Variants in HIVEP3 observed in about 807,000 individuals in gnomAD.
HIVEP3 encodes HIVEP zinc finger 3.
A neutral mutation model predicts 152.8 loss-of-function variants in HIVEP3; 49 were observed. The ratio of observed to expected loss-of-function variants is 0.32; its 90% CI spans 0.26 to 0.41. The LOEUF is 0.41. Ranked by LOEUF, HIVEP3 falls within the 10% of genes least tolerant of loss-of-function variation. The pLI is 1.00. For synonymous variants in HIVEP3, 1,269 were observed against 1,289.0 expected (o/e 0.98, Z 0.33); for missense variants, 2,790 against 3,103.3 (o/e 0.90, Z 2.40).
In HIVEP3 at chr1:41,916,848, A is replaced by G. The variant is rs576201664; in HGVS notation, c.-801+1565T>C. On this transcript the variant is annotated intron_variant, in intron 1 of 8. Transcript: ENST00000372583. ...GCTTCAGGATTCATTTTCTGCCTGG[A>G]ATTGGGAAACTGGAGGCCCTGCAGG... 9.9e-5 allele frequency among the ~76,000 whole-genome samples: 15 copies of G among 152,190 alleles called. No individual in the cohort carries two copies. The South Asian group carries it at 3.1e-3, about 32-fold the overall frequency.
At position 41,584,440 on chromosome 1, in the gene HIVEP3, G is replaced by A. The variant is rs1200494625; in HGVS notation, c.358C>T (p.Gln120Ter). The change falls in exon 4 of 9, where the codon CAA (glutamine) becomes TAA (stop). Residue 120 changes from glutamine (Q) to a stop codon, truncating the protein, a stop_gained. Coordinates refer to ENST00000372583, the MANE Select transcript of HIVEP3 (RefSeq NM_024503.5). LOFTEE classifies it high-confidence loss of function. The surrounding 1 kb of genome is among the most constrained non-coding windows in gnomAD (Gnocchi z 5.2). ...PEHLLEGSTWQLVDPMRPGPS... is the reference protein window; with the variant it reads ...PEHLLEGSTW ...CCAGGTCTCATGGGGTCAACCAGTTGCCATGTGGACCCCTCCAGGAGATGC... is the reference window on the plus strand; with the variant it reads ...CCAGGTCTCATGGGGTCAACCAGTTACCATGTGGACCCCTCCAGGAGATGC... 1.2e-6 allele frequency: 2 copies of A among 1,614,162 alleles called. No homozygotes were observed. The highest frequency in any genetic ancestry group is 1.7e-6 in the Non-Finnish European group (2 of 1,180,016).
intron 2 of HIVEP3, among the ~76,000 whole-genome samples, chr1:41,638,383 G>C (rs1317788858): frequency 3.2e-5 from 2 of 63,042 alleles, no homozygotes; most frequent in Non-Finnish European, 6.9e-5. Flanking sequence ...GGGAGAGAGA[G>C]AGAAAGAAAG....
chr1:41,866,189 G>A lies in HIVEP3; in HGVS notation c.-801+52224C>T, dbSNP rs116599309. Among the ~76,000 whole-genome samples the A allele has an allele frequency of 5.7e-3, 866 of 152,358 alleles. 1 individual carries two copies. The highest frequency in any genetic ancestry group is 9.4e-3 in the Non-Finnish European group (641 of 68,030). On this transcript the variant is annotated intron_variant, in intron 1 of 8. Coordinates refer to ENST00000372583, the MANE Select transcript of HIVEP3 (RefSeq NM_024503.5). ...TGGGGGGTGCAGCTGCCTTGGGACT[G>A]AGAGATGGGGATGGACACATCTGCA...
intron 1 of HIVEP3, among the ~76,000 whole-genome samples, chr1:41,945,284 T>C (rs1048672638): frequency 1.3e-5 from 2 of 152,092 alleles, no homozygotes; most frequent in South Asian, 2.1e-4. Context: ...AGAGTGCCAA[T>C]AGTCTCCAAT....
chr1:41,614,802 T>TTAGC (rs1471013795), intron 3 of HIVEP3, among the ~76,000 whole-genome samples: 1 of 152,200 alleles, frequency 6.6e-6, no homozygotes, highest in Non-Finnish European at 1.5e-5. Flanking sequence ...GGCAACACAG[T>TTAGC]TAGCTGCACA....
intron 1 of HIVEP3, among the ~76,000 whole-genome samples, chr1:41,835,762 G>A (rs1394533934): frequency 6.6e-6 from 1 of 152,198 alleles, no homozygotes; most frequent in East Asian, 1.9e-4. Flanking sequence ...AGGGCCCAGG[G>A]AAAGTGCATT....
upstream of HIVEP3, among the ~76,000 whole-genome samples, chr1:41,923,063 C>A (rs961966097): frequency 2.6e-5 from 4 of 152,120 alleles, no homozygotes; most frequent in Admixed American, 2.0e-4. Flanking sequence ...GAAATATATA[C>A]TTTAATGCTA....
At chr1:41,532,342 G>T (rs189870619) in intron 5 of HIVEP3, among the ~76,000 whole-genome samples, 1 of 152,056 alleles carries the variant, frequency 6.6e-6, no homozygotes, top group Non-Finnish European at 1.5e-5. Context: ...GGAGAGAAGG[G>T]AGGACTTGGG....
At chr1:41,542,213 GT>G (rs1177571522) in intron 5 of HIVEP3, 4 of 152,262 alleles carry the variant, frequency 2.6e-5, no homozygotes, top group Non-Finnish European at 5.9e-5. Context: ...TGGCTCAACT[GT>G]CTAGCCCTGG....
chr1:41,553,808 A>T (rs1643925330), intron 5 of HIVEP3, among the ~76,000 whole-genome samples: 1 of 152,244 alleles, frequency 6.6e-6, no homozygotes, highest in Non-Finnish European at 1.5e-5. Context: ...TTCTTTAAGA[A>T]TGTTGAATAT....
chr1:41,993,778 A>G (rs1437166115), intron 1 of HIVEP3, among the ~76,000 whole-genome samples: 1 of 151,698 alleles, frequency 6.6e-6, no homozygotes, highest in Non-Finnish European at 1.5e-5. Context: ...AGACTGGATT[A>G]AGAAAATGTG....
At chr1:41,637,523 A>G (rs1645294119) in intron 2 of HIVEP3, among the ~76,000 whole-genome samples, 1 of 152,160 alleles carries the variant, frequency 6.6e-6, no homozygotes, top group Admixed American at 6.5e-5. Context: ...TACAGAGGCT[A>G]AGGCCTGACC....
chr1:41,916,042 C>T (rs1268781035), intron 1 of HIVEP3, among the ~76,000 whole-genome samples: 1 of 152,192 alleles, frequency 6.6e-6, no homozygotes, highest in African/African-American at 2.4e-5. Context: ...AAGTTAAATG[C>T]TATCCAGTTG....
chr1:41,788,379 T>C (rs1570540987), intron 1 of HIVEP3, among the ~76,000 whole-genome samples: 1 of 152,288 alleles, frequency 6.6e-6, no homozygotes, highest in East Asian at 1.9e-4. Context: ...CAGATGAGCA[T>C]AGGCTCAGAG....
At chr1:42,026,094 G>A (rs1001913841) in intron 1 of HIVEP3, among the ~76,000 whole-genome samples, 21 of 151,790 alleles carry the variant, frequency 1.4e-4, no homozygotes, top group Non-Finnish European at 1.9e-4. Flanking sequence ...AAAAATCTGC[G>A]AAAAGGCTTG....
intron 1 of HIVEP3, among the ~76,000 whole-genome samples, chr1:42,000,443 G>A (rs769840161): frequency 1.6e-4 from 24 of 152,186 alleles, no homozygotes; most frequent in Admixed American, 1.4e-3. Flanking sequence ...GCAGGAGGAG[G>A]CACAAGTCAC....
intron 1 of HIVEP3, among the ~76,000 whole-genome samples, chr1:41,778,810 A>C (rs1033314587): frequency 6.6e-6 from 1 of 152,212 alleles, no homozygotes; most frequent in African/African-American, 2.4e-5. Context: ...CAACAGGGTA[A>C]GGAGATGGAG....
intron 5 of HIVEP3, among the ~76,000 whole-genome samples, chr1:41,563,325 C>G (rs908125260): frequency 3.3e-5 from 5 of 150,630 alleles, no homozygotes; most frequent in Non-Finnish European, 7.4e-5. Flanking sequence ...CCAGCCTGGG[C>G]GATAGAGAGA....
chr1:41,765,380 A>G (rs6679227), intron 1 of HIVEP3, among the ~76,000 whole-genome samples: 73,436 of 151,874 alleles, frequency 0.48, 20,150 homozygotes, highest in Non-Finnish European at 0.63. Context: ...GGCTCGTCTG[A>G]TGTTGTTTAA....
Sources: gnomAD v4.1 joint callset for allele counts (sites outside exome capture counted in the v4.1 genomes callset) on GRCh38, gnomAD v4.1.1 for gene constraint, Gnocchi (gnomAD v3.1) non-coding constraint, MANE v1.5 for transcripts, NCBI Gene and HGNC (gene_info 2026-07-23, HGNC 2026-07-21) for gene names.